FGF14: variants seen among roughly 807,000 people sequenced by gnomAD.
FGF14 encodes the protein fibroblast growth factor 14.
FGF14 carries 5 observed loss-of-function variants against 25.5 expected under a neutral mutation model. The ratio of observed to expected loss-of-function variants is 0.20; its 90% CI spans 0.10 to 0.41. The LOEUF (loss-of-function observed/expected upper bound fraction) is 0.41, where lower values mean the gene tolerates loss of function less well. Among genes scored for constraint, FGF14 ranks in the 10% least tolerant of loss-of-function variants. FGF14 has a pLI of 1.00. For missense variants in FGF14, 222 were observed against 320.1 expected, an observed-to-expected ratio of 0.69 and a Z score of 2.34; for synonymous variants, 138 against 118.3, an observed-to-expected ratio of 1.17 and a Z score of -1.08.
intron 1 of FGF14, among the ~76,000 whole-genome samples, chr13:101,968,005 A>G (rs2037325397): frequency 6.6e-6 from 1 of 152,222 alleles, no homozygotes; most frequent in African/African-American, 2.4e-5. Context: ...GTCAATGGTC[A>G]TGCTGTAAAT....
At chr13:102,072,537 A>T (rs147524296) in intron 1 of FGF14, among the ~76,000 whole-genome samples, 1 of 152,214 alleles carries the variant, frequency 6.6e-6, no homozygotes, top group African/African-American at 2.4e-5. Context: ...AAATTTAATG[A>T]TAGCCCTTCC....
intron 3 of FGF14, among the ~76,000 whole-genome samples, chr13:101,763,663 C>T (rs1450807719): frequency 4.6e-5 from 7 of 152,076 alleles, no homozygotes; most frequent in African/African-American, 7.2e-5. Flanking sequence ...AGTTTGAGAC[C>T]AGCCTGACCA....
At chr13:102,307,366 T>C (rs1351227345) in intron 1 of FGF14, among the ~76,000 whole-genome samples, 1 of 152,204 alleles carries the variant, frequency 6.6e-6, no homozygotes, top group Non-Finnish European at 1.5e-5. Flanking sequence ...CATAAATTTG[T>C]ACTGCTTTAT....
chr13:101,895,783 G>A (rs1282694511), intron 1 of FGF14, among the ~76,000 whole-genome samples: 2 of 152,142 alleles, frequency 1.3e-5, no homozygotes, highest in African/African-American at 2.4e-5. Context: ...TATATGGAGT[G>A]CCTAGAAATA....
At chr13:102,321,250 G>T (rs546453236) in intron 1 of FGF14, among the ~76,000 whole-genome samples, 3 of 152,168 alleles carry the variant, frequency 2.0e-5, no homozygotes, top group Admixed American at 2.0e-4. Context: ...ATTCAGTGCT[G>T]GAAATTCAAG....
intron 1 of FGF14, among the ~76,000 whole-genome samples, chr13:102,043,120 A>G (rs1017483880): frequency 6.6e-6 from 1 of 152,206 alleles, no homozygotes; most frequent in African/African-American, 2.4e-5. Context: ...AGAAATAATT[A>G]ATGTCTTACA....
intron 1 of FGF14, among the ~76,000 whole-genome samples, chr13:102,087,315 G>A (rs1395745900): frequency 1.3e-5 from 2 of 151,302 alleles, no homozygotes; most frequent in Non-Finnish European, 2.9e-5. Flanking sequence ...GAGAAGAGCT[G>A]CTACAATTTA....
At chr13:102,084,377 G>A (rs2043790288) in intron 1 of FGF14, among the ~76,000 whole-genome samples, 1 of 152,040 alleles carries the variant, frequency 6.6e-6, no homozygotes, top group South Asian at 2.1e-4. Context: ...ACTAGTTACT[G>A]GTAAATATTT....
intron 1 of FGF14, among the ~76,000 whole-genome samples, chr13:101,963,512 C>T (rs1308339499): frequency 6.6e-6 from 1 of 152,208 alleles, no homozygotes; most frequent in African/African-American, 2.4e-5. Flanking sequence ...CTGTGCCCCA[C>T]TCTGCCGGAA....
chr13:102,046,816 T>C (rs1293999113), intron 1 of FGF14, among the ~76,000 whole-genome samples: 1 of 152,196 alleles, frequency 6.6e-6, no homozygotes, highest in Non-Finnish European at 1.5e-5. Context: ...TTTGCTATAT[T>C]TGAAGCATAA....
At chr13:101,738,610 G>A (rs1181769787) in intron 3 of FGF14, among the ~76,000 whole-genome samples, 1 of 152,114 alleles carries the variant, frequency 6.6e-6, no homozygotes, top group East Asian at 1.9e-4. Context: ...TGGGGAAAGA[G>A]AGACCCTGAG....
upstream of FGF14, among the ~76,000 whole-genome samples, chr13:102,401,930 A>C (rs68132773): frequency 0.095 from 14,463 of 152,084 alleles, 1,051 homozygotes; most frequent in East Asian, 0.37. Context: ...AAGATCCCCA[A>C]AGAGAAAACC....
At chr13:101,783,657 T>A (rs992025628) in intron 3 of FGF14, among the ~76,000 whole-genome samples, 1 of 152,200 alleles carries the variant, frequency 6.6e-6, no homozygotes, top group African/African-American at 2.4e-5. Context: ...TCTTTTGCTG[T>A]GCAGAAGCTC....
chr13:102,025,114 T>C (rs928039907), intron 1 of FGF14, among the ~76,000 whole-genome samples: 3 of 151,784 alleles, frequency 2.0e-5, no homozygotes, highest in African/African-American at 7.3e-5. Flanking sequence ...ATTTTTGAGA[T>C]CTGGGAATGT....
At position 101,916,448 on chromosome 13, in the gene FGF14, C is replaced by G; in HGVS notation, c.193+5G>C. ...GCGCATCTCCCGACCATGACCCCCA[C>G]AGACCTTGGCGCCGCAACCTGCGCT... On this transcript the variant is annotated splice_donor_5th_base_variant and intron_variant, in intron 1 of 4. Coordinates refer to ENST00000376143, the MANE Select transcript of FGF14 (RefSeq NM_004115.4). 1 of 1,613,948 alleles carries G rather than the reference C, an allele frequency of 6.2e-7. No individual in the cohort carries two copies. The highest frequency in any genetic ancestry group is 8.5e-7 in the Non-Finnish European group (1 of 1,179,920).
intron 1 of FGF14, among the ~76,000 whole-genome samples, chr13:102,118,323 T>C (rs959905515): frequency 6.6e-6 from 1 of 151,820 alleles, no homozygotes; most frequent in African/African-American, 2.4e-5. Context: ...GAGAGAAAAA[T>C]AATTTAAGAA....
intron 1 of FGF14, among the ~76,000 whole-genome samples, chr13:102,000,065 C>T (rs2039399420): frequency 6.6e-6 from 1 of 152,180 alleles, no homozygotes; most frequent in African/African-American, 2.4e-5. Context: ...CCTGTAATCC[C>T]AGCACTTTGG....
chr13:102,089,119 GT>G (rs2044057566), intron 1 of FGF14, among the ~76,000 whole-genome samples: 1 of 152,158 alleles, frequency 6.6e-6, no homozygotes, highest in Non-Finnish European at 1.5e-5. Flanking sequence ...GTTCCAGAGT[GT>G]AGGGAAAACT....
At chr13:102,222,404 A>C (rs1269122461) in intron 1 of FGF14, among the ~76,000 whole-genome samples, 2 of 152,176 alleles carry the variant, frequency 1.3e-5, no homozygotes, top group African/African-American at 2.4e-5. Flanking sequence ...TGTAATTTTG[A>C]AAGTTGAAGG....
Sources: gnomAD v4.1 joint callset for allele counts (sites outside exome capture counted in the v4.1 genomes callset) on GRCh38, gnomAD v4.1.1 for gene constraint, MANE v1.5 for transcripts, NCBI Gene and HGNC (gene_info 2026-07-23, HGNC 2026-07-21) for gene names.